The following UROS variants were observed in gnomAD, a reference collection of about 807,000 sequenced individuals.
The protein encoded by UROS is uroporphyrinogen-III synthase.
Under a neutral mutation model 33.0 loss-of-function variants are expected in UROS, and 18 were observed. That is an observed-to-expected ratio of 0.55 (90% confidence interval 0.38 to 0.81). UROS has a LOEUF of 0.81. Ranked by LOEUF, UROS falls within the 30% of genes least tolerant of loss-of-function variation. The pLI is 0.00. For missense variants in UROS, 293 were observed against 314.9 expected, an observed-to-expected ratio of 0.93 and a Z score of 0.53; for synonymous variants, 114 against 121.1, an observed-to-expected ratio of 0.94 and a Z score of 0.38.
chr10:125,803,130 T>C lies in UROS; in HGVS notation c.394+4283A>G, dbSNP rs1457392501. 2.0e-6 allele frequency: 3 copies of C among 1,519,236 alleles called. No individual in the cohort carries two copies. The African/African-American group carries it at 4.1e-5, about 21-fold the overall frequency. The allele number at this position is 1,519,236 out of a possible 1,614,324, so 94.1% of individuals were successfully genotyped here. A position where few individuals can be genotyped will look rare whatever the true frequency, so the allele number is the denominator to read the frequency against. On this transcript the variant is annotated intron_variant, in intron 6 of 9. Coordinates refer to ENST00000368797, the MANE Select transcript of UROS (RefSeq NM_000375.3). The stretch of plus-strand genomic sequence containing the variant: ...GCTTTGGAGTCAGCCAGTCCTAGGC[T>C]TGAGCCCCAGCCTACCACTATTAGC...
Position 125,788,945 on chromosome 10 carries a change from A to G in UROS, c.721T>C (p.Cys241Arg). The G allele has an allele frequency of 1.2e-6, 2 of 1,611,268 alleles. No homozygotes were observed. Among genetic ancestry groups the G allele is most frequent in the Non-Finnish European group, 1.7e-6 (2 of 1,179,656 alleles). Residue 241 changes from cysteine (C) to arginine (R), a missense_variant, in exon 10 of 10, where the codon TGC becomes CGC. Cys to Arg is a radical substitution (Grantham distance 180). Coordinates refer to ENST00000368797, the MANE Select transcript of UROS (RefSeq NM_000375.3). ...ALAAQGLPVS[C>R]TAESPTPQAL... The stretch of plus-strand genomic sequence containing the variant: ...TGTGGCGTGGGGCTCTCTGCAGTGC[A>G]GCTTACAGGAAGGCCCTGGGCGGCC...
intron 6 of UROS, chr10:125,807,078 G>T: frequency 2.9e-6 from 1 of 343,790 alleles, no homozygotes; most frequent in Non-Finnish European, 5.5e-6. Flanking sequence ...ACAGTCCTCA[G>T]TAAGGGGAGA....
chr10:125,817,157 G>A (rs373050706), intron 1 of UROS, among the ~76,000 whole-genome samples: 40 of 148,616 alleles, frequency 2.7e-4, no homozygotes, highest in African/African-American at 9.7e-4. Flanking sequence ...TTTGGGTCTC[G>A]TTGGGTCATA....
chr10:125,789,045 G>A (rs2133798378), intron 9 of UROS, 40 bp from the exon 10 acceptor site: 1 of 1,609,994 alleles, frequency 6.2e-7, no homozygotes, highest in Non-Finnish European at 8.5e-7. Context: ...CAGCACACCA[G>A]GAGGGGCTGG....
chr10:125,796,505 G>A lies in UROS; in HGVS notation c.476-317C>T, dbSNP rs542361240. On this transcript the variant is annotated intron_variant, in intron 7 of 9. Coordinates refer to ENST00000368797, the MANE Select transcript of UROS (RefSeq NM_000375.3). ...TATGTAGGTTTGTCCACACAAGGCC[G>A]TCCCTAGTCACTCCATGGATCCCAC... Among the ~76,000 whole-genome samples the A allele has an allele frequency of 2.9e-4, 44 of 152,306 alleles. 1 individual carries two copies. Among genetic ancestry groups the A allele is most frequent in the African/African-American group, 9.1e-4 (38 of 41,568 alleles).
chr10:125,807,326 C>T (rs1852420820), intron 6 of UROS, 87 bp downstream of exon 6: 1 of 1,173,946 alleles, frequency 8.5e-7, no homozygotes, highest in South Asian at 1.2e-5. Context: ...CAAGAATGCA[C>T]TGAGGAAATA....
intron 1 of UROS, 24 bp from the exon 2 acceptor site, chr10:125,816,549 T>G (rs746481710): frequency 3.7e-6 from 6 of 1,611,692 alleles, no homozygotes; most frequent in African/African-American, 1.3e-5. Context: ...AGGAAACAGA[T>G]CTTAATTAGA....
intron 5 of UROS, among the ~76,000 whole-genome samples, chr10:125,809,937 A>G (rs1167029145): frequency 6.6e-6 from 1 of 152,240 alleles, no homozygotes; most frequent in East Asian, 1.9e-4. Context: ...ACATTTATAA[A>G]GAAATACTGG....
intron 1 of UROS, among the ~76,000 whole-genome samples, chr10:125,821,359 C>T (rs1853865443): frequency 6.6e-6 from 1 of 152,200 alleles, no homozygotes; most frequent in South Asian, 2.1e-4. Flanking sequence ...ACTTTGAAGA[C>T]ATCATGCTGA....
At chr10:125,807,522 G>C in intron 5 of UROS, 35 bp from the exon 6 acceptor site, 1 of 1,522,228 alleles carries the variant, frequency 6.6e-7, no homozygotes. Context: ...TTCTTAACAC[G>C]GTTATTGAAG....
intron 5 of UROS, among the ~76,000 whole-genome samples, chr10:125,811,010 G>A (rs1015619760): frequency 2.0e-5 from 3 of 152,120 alleles, no homozygotes; most frequent in Non-Finnish European, 4.4e-5. Context: ...TGAGACCAAG[G>A]CCCTGCTGCT....
At chr10:125,785,652 A>G (rs1850615092), downstream of UROS, 1 of 152,266 alleles carries the variant, frequency 6.6e-6, no homozygotes, top group Non-Finnish European at 1.5e-5. Context: ...AACTTACAAC[A>G]CTGTCTGAGA....
chr10:125,816,086 A>G, intron 3 of UROS, 91 bp downstream of exon 3: 2 of 1,263,000 alleles, frequency 1.6e-6, no homozygotes, highest in Non-Finnish European at 2.3e-6. Context: ...TGGGAATAAA[A>G]TAAGAAGACA....
intron 6 of UROS, chr10:125,802,659 G>T (rs1374149857): frequency 8.2e-7 from 1 of 1,215,234 alleles, no homozygotes; most frequent in Non-Finnish European, 1.0e-6. Flanking sequence ...CTCCTGAACT[G>T]TATGTTTTTA....
chr10:125,795,014 T>G, intron 8 of UROS, 36 bp from the exon 9 acceptor site: 1 of 1,561,476 alleles, frequency 6.4e-7, no homozygotes, highest in Middle Eastern at 1.7e-4. Flanking sequence ...GTCCTTGCCA[T>G]GAGACTGAGG....
At chr10:125,797,779 C>T (rs1325470223) in intron 7 of UROS, among the ~76,000 whole-genome samples, 1 of 152,188 alleles carries the variant, frequency 6.6e-6, no homozygotes, top group African/African-American at 2.4e-5. Flanking sequence ...GCCCAGGGGC[C>T]ACCTCCACAT....
chr10:125,796,791 C>T, intron 7 of UROS: 1 of 985,360 alleles, frequency 1.0e-6, no homozygotes, highest in Non-Finnish European at 1.2e-6. Flanking sequence ...GGGACTCACG[C>T]AATTTCAGTC....
chr10:125,806,760 G>A (rs1390668811), intron 6 of UROS, among the ~76,000 whole-genome samples: 1 of 152,194 alleles, frequency 6.6e-6, no homozygotes, highest in African/African-American at 2.4e-5. Flanking sequence ...GTAAGAGCTT[G>A]CGGTTGTACT....
At chr10:125,816,296 G>C in intron 2 of UROS, 36 bp from the exon 3 acceptor site, 1 of 1,608,494 alleles carries the variant, frequency 6.2e-7, no homozygotes, top group Non-Finnish European at 8.5e-7. Flanking sequence ...ATTGGCTAGG[G>C]CTGTTTTTAA....
Sources: allele counts gnomAD v4.1 joint callset (sites outside exome capture counted in the v4.1 genomes callset), GRCh38; gene constraint gnomAD v4.1.1; transcripts MANE v1.5; gene names NCBI Gene and HGNC (gene_info 2026-07-23, HGNC 2026-07-21).